The following MOV10 variants were observed in gnomAD, a reference collection of about 807,000 sequenced individuals.
The protein encoded by MOV10 is RNA helicase MOV-10.
A neutral mutation model predicts 108.4 loss-of-function variants in MOV10; 39 were observed. That is an observed-to-expected ratio of 0.36 (90% CI 0.28 to 0.47). The LOEUF (loss-of-function observed/expected upper bound fraction) is 0.47. Ranked by LOEUF, MOV10 falls within the 20% of genes least tolerant of loss-of-function variation. The probability of loss-of-function intolerance (pLI) is 1.00; values close to 1 mark genes in which losing one functional copy is unlikely to be tolerated. For synonymous variants in MOV10, 490 were observed against 523.1 expected (o/e 0.94, Z 0.86); for missense variants, 952 against 1,297.6 (o/e 0.73, Z 4.09).
rs755814593 is a variant in MOV10, at chr1:112,689,480, A to G, written c.407A>G (p.Asp136Gly). 6.2e-7 allele frequency: 1 copy of G among 1,610,650 alleles called. No individual in the cohort carries two copies. The highest frequency in any genetic ancestry group is 8.5e-7 in the Non-Finnish European group (1 of 1,178,190). ...GTCCAGGGGCCCCATGAAGCCCGAG[A>G]TGGGCAGCTCCTTATCCGCCTGGAT... ...VEVQGPHEAR[D>G]GQLLIRLDLN... Residue 136 changes from aspartate to glycine, a missense_variant, in exon 4 of 21, where the codon GAT becomes GGT. Asp to Gly is a moderately conservative substitution (Grantham distance 94). This residue lies in a region of MOV10 where 374 missense variants were observed against 468.6 expected (regional missense o/e 0.80). Coordinates refer to ENST00000369645, the MANE Select transcript of MOV10 (RefSeq NM_001321324.2).
At chr1:112,681,932 G>A (rs1016385035) in intron 2 of MOV10, among the ~76,000 whole-genome samples, 1 of 141,882 alleles carries the variant, frequency 7.0e-6, no homozygotes, top group Non-Finnish European at 1.5e-5. Context: ...TTTTGCTCTT[G>A]TTACCCAGGC....
intron 16 of MOV10, 38 bp from the exon 17 acceptor site, chr1:112,698,677 A>T (rs774659048): frequency 6.3e-7 from 1 of 1,592,360 alleles, no homozygotes; most frequent in East Asian, 2.2e-5. Context: ...GCATTAGGTT[A>T]ATGGCACGAG....
chr1:112,698,561 C>T lies in MOV10; in HGVS notation c.2508+83C>T, dbSNP rs941930712. ...ATATCCAGACCACTAGGCAGAGGCT[C>T]CAGGAGCTTAGGCCTCTGCTGGCTC... is the stretch of plus-strand genomic sequence containing the variant. On this transcript the variant is annotated intron_variant, in intron 16 of 20. Coordinates refer to ENST00000369645, the MANE Select transcript of MOV10 (RefSeq NM_001321324.2). 4.0e-6 allele frequency: 6 copies of T among 1,504,596 alleles called. No homozygotes were observed. The African/African-American group carries it at 5.5e-5, about 14-fold the overall frequency. The allele number at this position is 1,504,596 out of a possible 1,614,324, so 93.2% of individuals were successfully genotyped here. A position where few individuals can be genotyped will look rare whatever the true frequency, so the allele number is the denominator to read the frequency against.
intron 6 of MOV10, among the ~76,000 whole-genome samples, chr1:112,692,418 C>G (rs1403072272): frequency 2.0e-5 from 3 of 152,170 alleles, no homozygotes; most frequent in Admixed American, 1.3e-4. Context: ...GCCAGTTAGT[C>G]CTGGCCTGTT....
chr1:112,695,293 G>T, intron 10 of MOV10, 123 bp from the exon 11 acceptor site: 1 of 947,348 alleles, frequency 1.1e-6, no homozygotes. Context: ...GTACGGGTAG[G>T]GCACTGCATG....
chr1:112,694,447 C>G lies in MOV10; in HGVS notation c.1296-6C>G. On this transcript the variant is annotated splice_region_variant and splice_polypyrimidine_tract_variant and intron_variant, in intron 8 of 20. Transcript: ENST00000369645. This position sits in a 1 kb window ranked among gnomAD's most constrained non-coding sequence, Gnocchi z 4.1. The stretch of plus-strand genomic sequence containing the variant: ...ACAAACTCTTACCACCTCTCTCTGC[C>G]CAAAGCCTCCTGAGCCGCTTTGTGG... 6 of 1,613,892 alleles carry G rather than the reference C, an allele frequency of 3.7e-6. No homozygotes were observed. Among genetic ancestry groups the G allele is most frequent in the Non-Finnish European group, 5.1e-6 (6 of 1,180,018 alleles).
In MOV10 at chr1:112,679,081, T is replaced by C. The variant is rs538885994; in HGVS notation, c.137+4032T>C. Among the ~76,000 whole-genome samples, 146 of 152,270 alleles carry C rather than the reference T, an allele frequency of 9.6e-4. 3 individuals are homozygous for C. The highest frequency in any genetic ancestry group is 3.3e-3 in the African/African-American group (135 of 41,504). ...ATAGTCTATAGATTGTGAAACTAGA[T>C]GTCTCTTTAAGATCACTTCCAAATC... On this transcript the variant is annotated intron_variant, in intron 2 of 20. Transcript: ENST00000369645.
chr1:112,676,338 C>T (rs1157533753), intron 2 of MOV10, among the ~76,000 whole-genome samples: 2 of 152,140 alleles, frequency 1.3e-5, no homozygotes, highest in East Asian at 1.9e-4. Context: ...AAAGAGCGAG[C>T]ATTTGCATCA....
intron 2 of MOV10, chr1:112,688,227 C>A: frequency 2.7e-6 from 1 of 365,928 alleles, no homozygotes; most frequent in Non-Finnish European, 3.8e-6. Context: ...ACATAACAGG[C>A]CTCCGTAAGT....
chr1:112,695,637 C>T, intron 11 of MOV10, 63 bp downstream of exon 11: 1 of 1,546,804 alleles, frequency 6.5e-7, no homozygotes, highest in Non-Finnish European at 8.7e-7. Flanking sequence ...AGGGCAGACA[C>T]TGAGGCGAGG....
In MOV10 at chr1:112,674,975, G is replaced by A; in HGVS notation, c.63G>A (p.Leu21=). The A allele has an allele frequency of 1.3e-6, 2 of 1,582,624 alleles. No individual in the cohort carries two copies. The highest frequency in any genetic ancestry group is 1.7e-6 in the Non-Finnish European group (2 of 1,165,664). Residue 21 remains leucine, a synonymous_variant, in exon 2 of 21, where the codon CTG becomes CTA. Coordinates refer to ENST00000369645, the MANE Select transcript of MOV10 (RefSeq NM_001321324.2). ...CGGGCCAGTGTTTCGAGAGTTTCCT[G>A]GTCGTTCGGGGACTGGACATGGAGA... ...REAGQCFESF[L]VVRGLDMETD... is the part of the protein sequence containing the mutation.
rs763190726 is a variant in MOV10 at position 112,694,597 on chromosome 1, C to T, written c.1440C>T (p.Asp480=). ...TGCTCTTTCCTGTGGCACCTCGGGA[C>T]GTCCCGCTGCTGCCCTCAGATGTGA... The part of the protein sequence containing the change: ...WPMLFPVAPR[D]VPLLPSDVKL... The change falls in exon 9 of 21, where the codon GAC becomes GAT. Residue 480 remains aspartate (D), a synonymous_variant. Transcript: ENST00000369645. The surrounding 1 kb of genome is among the most constrained non-coding windows in gnomAD (Gnocchi z 4.1). The T allele has an allele frequency of 2.1e-5, 34 of 1,609,880 alleles. No individual in the cohort carries two copies. The highest frequency in any genetic ancestry group is 9.3e-5 in the African/African-American group (7 of 74,892).
At chr1:112,678,800 A>C (rs1490175685) in intron 2 of MOV10, among the ~76,000 whole-genome samples, 1 of 151,988 alleles carries the variant, frequency 6.6e-6, no homozygotes, top group African/African-American at 2.4e-5. Context: ...GAAAATTTCA[A>C]AGTAAGAGTC....
rs1426875117 is a variant in MOV10 at position 112,694,211 on chromosome 1, A to G, written c.1295+39A>G. 3.7e-6 allele frequency: 6 copies of G among 1,612,006 alleles called. No homozygotes were observed. The highest frequency in any genetic ancestry group is 3.3e-5 in the Admixed American group (2 of 59,980). ...GAACCCTGAGCTGCTGGAAGGGTCT[A>G]CAGACTTCTGACCCCAGGGGAGGAG... On this transcript the variant is annotated intron_variant, in intron 8 of 20. Coordinates refer to ENST00000369645, the MANE Select transcript of MOV10 (RefSeq NM_001321324.2). The surrounding 1 kb of genome is among the most constrained non-coding windows in gnomAD (Gnocchi z 4.1).
At chr1:112,699,500 T>A in intron 17 of MOV10, 185 bp from the exon 18 acceptor site, 2 of 1,436,744 alleles carry the variant, frequency 1.4e-6, no homozygotes, top group Non-Finnish European at 1.8e-6. Context: ...TCAACCTTCA[T>A]GTTTCAGCTT....
chr1:112,684,171 A>G (rs1672881173), intron 2 of MOV10, among the ~76,000 whole-genome samples: 1 of 150,676 alleles, frequency 6.6e-6, no homozygotes, highest in Non-Finnish European at 1.5e-5. Flanking sequence ...TCTTAGGCTG[A>G]TATCAAACTC....
intron 17 of MOV10, chr1:112,699,369 A>T: frequency 1.2e-6 from 1 of 862,432 alleles, no homozygotes; most frequent in Non-Finnish European, 1.5e-6. Context: ...GTATATTCTT[A>T]ACAGATACTT....
intron 11 of MOV10, 91 bp downstream of exon 11, chr1:112,695,665 T>G (rs947923344): frequency 1.5e-5 from 21 of 1,373,344 alleles, no homozygotes; most frequent in Non-Finnish European, 1.8e-5. Flanking sequence ...GAGACCTGGA[T>G]TCTGATACTT....
intron 14 of MOV10, among the ~76,000 whole-genome samples, chr1:112,697,393 C>T (rs1199743790): frequency 6.6e-6 from 1 of 152,082 alleles, no homozygotes; most frequent in Non-Finnish European, 1.5e-5. Context: ...TCGCTTGTAC[C>T]CGGGAGGCAG....
Sources: gnomAD v4.1 joint callset for allele counts (sites outside exome capture counted in the v4.1 genomes callset) on GRCh38, gnomAD v4.1.1 for gene constraint, gnomAD v4.1.1 regional missense constraint, Gnocchi (gnomAD v3.1) non-coding constraint, MANE v1.5 for transcripts, NCBI Gene and HGNC (gene_info 2026-07-23, HGNC 2026-07-21) for gene names.